Variants in GPHN observed in about 807,000 individuals in gnomAD.
GPHN encodes gephyrin.
A neutral mutation model predicts 95.5 loss-of-function variants in GPHN; 17 were observed. The ratio of observed to expected loss-of-function variants is 0.18; its 90% CI spans 0.12 to 0.27. The LOEUF is 0.27. Ranked by LOEUF, GPHN falls within the 10% of genes least tolerant of loss-of-function variation. The pLI is 1.00. For missense variants in GPHN, 660 were observed against 978.1 expected (o/e 0.67, Z 4.34); for synonymous variants, 320 against 322.5 (o/e 0.99, Z 0.08).
chr14:67,703,831 G>T, the GPHN span, among the ~76,000 whole-genome samples: 3 of 151,898 alleles, frequency 2.0e-5, no homozygotes, highest in Non-Finnish European at 2.9e-5. Context: ...GCATACCACC[G>T]TGCCTGGCTA....
intron 17 of GPHN, among the ~76,000 whole-genome samples, chr14:67,139,286 A>T (rs2080311065): frequency 6.6e-6 from 1 of 151,790 alleles, no homozygotes; most frequent in Non-Finnish European, 1.5e-5. Flanking sequence ...TGCAGTGGCT[A>T]TTCACAGATG....
At chr14:67,212,517 G>A in the GPHN span, among the ~76,000 whole-genome samples, 1 of 150,168 alleles carries the variant, frequency 6.7e-6, no homozygotes. Context: ...CCTAATCCTG[G>A]GGGGTTGAGG....
At chr14:66,857,942 A>G (rs934083196) in intron 4 of GPHN, among the ~76,000 whole-genome samples, 14 of 152,188 alleles carry the variant, frequency 9.2e-5, no homozygotes, top group African/African-American at 3.4e-4. Flanking sequence ...GCTTAACTCA[A>G]CTGAATACTG....
chr14:66,923,271 A>C (rs1468638531), intron 7 of GPHN, among the ~76,000 whole-genome samples: 1 of 152,190 alleles, frequency 6.6e-6, no homozygotes, highest in Non-Finnish European at 1.5e-5. Context: ...ATATATTCAA[A>C]GTATCAAAAT....
At chr14:66,865,282 G>C (rs1283696283) in intron 4 of GPHN, among the ~76,000 whole-genome samples, 1 of 152,008 alleles carries the variant, frequency 6.6e-6, no homozygotes, top group Admixed American at 6.6e-5. Context: ...AAATGCTTGA[G>C]GGGATGGATA....
chr14:67,389,371 C>G, the GPHN span, among the ~76,000 whole-genome samples: 1 of 152,026 alleles, frequency 6.6e-6, no homozygotes, highest in Non-Finnish European at 1.5e-5. Flanking sequence ...GTCCCCAGGA[C>G]AGGAGAGGGG....
At chr14:67,486,109 C>T in the GPHN span, among the ~76,000 whole-genome samples, 130 of 152,306 alleles carry the variant, frequency 8.5e-4, no homozygotes, top group African/African-American at 3.1e-3. Flanking sequence ...TTCACTCACG[C>T]CAGACAATCT....
At chr14:67,603,220 C>G in the GPHN span, among the ~76,000 whole-genome samples, 2 of 152,176 alleles carry the variant, frequency 1.3e-5, no homozygotes, top group Non-Finnish European at 2.9e-5. Context: ...CAGGCACACT[C>G]TACCACATCA....
chr14:67,089,125 C>CTTTTTTTGTTTTTTTTT, intron 12 of GPHN, 50 bp downstream of exon 12: 1 of 326,496 alleles, frequency 3.1e-6, no homozygotes. Flanking sequence ...ATTTTTTTTT[C>CTTTTTTTGTTTTTTTTT]TTTTTTTCTT....
At chr14:67,586,746 C>T in the GPHN span, 7 of 1,241,274 alleles carry the variant, frequency 5.6e-6, no homozygotes, top group Non-Finnish European at 7.2e-6. Flanking sequence ...CCTTTAATAC[C>T]ACCCCTGCTA....
At chr14:66,932,579 A>C (rs2066885505) in intron 8 of GPHN, among the ~76,000 whole-genome samples, 1 of 135,098 alleles carries the variant, frequency 7.4e-6, no homozygotes, top group Non-Finnish European at 1.5e-5. Flanking sequence ...CTTGGTGTTT[A>C]TTTTACCAGG....
At chr14:66,697,294 C>A (rs144262559) in intron 2 of GPHN, among the ~76,000 whole-genome samples, 1 of 152,238 alleles carries the variant, frequency 6.6e-6, no homozygotes, top group Non-Finnish European at 1.5e-5. Flanking sequence ...TGTAATTCAG[C>A]ATTTATAATT....
chr14:67,294,189 A>G, the GPHN span, among the ~76,000 whole-genome samples: 1 of 152,170 alleles, frequency 6.6e-6, no homozygotes, highest in Non-Finnish European at 1.5e-5. Flanking sequence ...AGATTTTCTG[A>G]AAGTTTGCTT....
chr14:66,735,299 A>T (rs2072159987), intron 2 of GPHN, among the ~76,000 whole-genome samples: 1 of 152,110 alleles, frequency 6.6e-6, no homozygotes, highest in Non-Finnish European at 1.5e-5. Context: ...ACCTTTGATG[A>T]TGTCACATCT....
the GPHN span, chr14:67,570,759 C>T: frequency 3.9e-5 from 6 of 152,138 alleles, no homozygotes; most frequent in African/African-American, 1.4e-4. Context: ...GAGTCTGGCT[C>T]TGTTGCCAGG....
intron 2 of GPHN, among the ~76,000 whole-genome samples, chr14:66,722,539 G>A (rs1001429139): frequency 6.6e-6 from 1 of 152,052 alleles, no homozygotes; most frequent in Non-Finnish European, 1.5e-5. Context: ...AAACTCCTGG[G>A]CTCAAGTGAT....
intron 2 of GPHN, among the ~76,000 whole-genome samples, chr14:66,704,000 A>T (rs1352913984): frequency 1.3e-5 from 2 of 152,022 alleles, no homozygotes; most frequent in East Asian, 1.9e-4. Flanking sequence ...AGAAAAAAAA[A>T]AGGGCAGGAG....
chr14:67,422,826 CTTT>C, the GPHN span, among the ~76,000 whole-genome samples: 2 of 115,840 alleles, frequency 1.7e-5, no homozygotes, highest in African/African-American at 6.8e-5. Context: ...CTTTCCCCAT[CTTT>C]TTTTTTTTTT....
chr14:67,085,733 A>G (rs2076858314), intron 11 of GPHN, among the ~76,000 whole-genome samples: 1 of 152,192 alleles, frequency 6.6e-6, no homozygotes, highest in African/African-American at 2.4e-5. Context: ...AACTATTTTA[A>G]CCATTTTTAA....
Sources: gnomAD v4.1 joint callset for allele counts (sites outside exome capture counted in the v4.1 genomes callset) on GRCh38, gnomAD v4.1.1 for gene constraint, MANE v1.5 for transcripts, NCBI Gene and HGNC (gene_info 2026-07-23, HGNC 2026-07-21) for gene names.